The following LIMS2 variants were observed in gnomAD, a reference collection of about 807,000 sequenced individuals.
The protein encoded by LIMS2 is LIM and senescent cell antigen-like-containing domain protein 2.
In LIMS2, 30 loss-of-function variants were observed where a neutral mutation model predicts 45.3. That is an observed-to-expected ratio of 0.66 (90% CI 0.50 to 0.90). The LOEUF (loss-of-function observed/expected upper bound fraction) is 0.90, where lower values mean the gene tolerates loss of function less well. Ranked by LOEUF, LIMS2 falls within the 40% of genes least tolerant of loss-of-function variation. The pLI is 0.00. For missense variants in LIMS2, 485 were observed against 468.7 expected, an observed-to-expected ratio of 1.03 and a Z score of -0.32; for synonymous variants, 173 against 188.0, an observed-to-expected ratio of 0.92 and a Z score of 0.65.
At chr2:127,675,703 T>C (rs1396025374), upstream of LIMS2, among the ~76,000 whole-genome samples, 1 of 152,126 alleles carries the variant, frequency 6.6e-6, no homozygotes, top group Non-Finnish European at 1.5e-5. Context: ...GGGGCGATGC[T>C]GAGACCACCT....
At chr2:127,660,510 G>C (rs1043016865) in intron 1 of LIMS2, among the ~76,000 whole-genome samples, 1 of 152,066 alleles carries the variant, frequency 6.6e-6, no homozygotes, top group South Asian at 2.1e-4. Flanking sequence ...AGATAATTCC[G>C]GATGTGCCAC....
At chr2:127,658,260 G>A (rs1404349865) in intron 1 of LIMS2, among the ~76,000 whole-genome samples, 1 of 152,204 alleles carries the variant, frequency 6.6e-6, no homozygotes, top group African/African-American at 2.4e-5. Context: ...TTAGCCAGGT[G>A]TGGTGGTGCA....
chr2:127,643,041 T>C lies in LIMS2; in HGVS notation c.391A>G (p.Lys131Glu), dbSNP rs1465291377. ...HLCRPCHNREKAKGLGKYICQ... is the reference protein window; with the variant it reads ...HLCRPCHNREEAKGLGKYICQ... The stretch of plus-strand genomic sequence containing the variant: ...ATGTACTTGCCCAGGCCCTTGGCCT[T>C]CTCACGGTTGTGGCAAGGCCGGCAG... Residue 131 changes from lysine to glutamate, a missense_variant, in exon 5 of 10, where the codon AAG becomes GAG. By Grantham distance (56) the Lys-to-Glu change is moderately conservative (BLOSUM62 1). Transcript: ENST00000355119. 6.3e-7 allele frequency: 1 copy of C among 1,585,348 alleles called. No homozygotes were observed. Among genetic ancestry groups the C allele is most frequent in the Admixed American group, 1.8e-5 (1 of 55,666 alleles).
chr2:127,661,453 GCCTGCGGTC>G lies in LIMS2; in HGVS notation c.12-3900_12-3892del, dbSNP rs767576584. Among the ~76,000 whole-genome samples the G allele has an allele frequency of 2.6e-5, 4 of 152,342 alleles. No homozygotes were observed. In the South Asian group the frequency reaches 8.3e-4, roughly 32 times the overall value. On this transcript the variant is annotated intron_variant, in intron 1 of 9. Transcript: ENST00000355119. ...CAGCCTAGGGGAAGGCCTGCAGGCT[GCCTGCGGTC>G]CCTGCGAGAGGTCAGAGGGTCAGAG...
At chr2:127,656,254 G>A (rs991916924) in intron 2 of LIMS2, among the ~76,000 whole-genome samples, 4 of 152,086 alleles carry the variant, frequency 2.6e-5, no homozygotes, top group Non-Finnish European at 5.9e-5. Context: ...ATGATTTAAC[G>A]ACTGCTCCTG....
chr2:127,641,268 G>GA, intron 6 of LIMS2: 1 of 315,328 alleles, frequency 3.2e-6, no homozygotes. Flanking sequence ...AACCTTGTGA[G>GA]TCACCATCCC....
In LIMS2 at chr2:127,672,799, T is replaced by C. The variant is rs1254213024; in HGVS notation, c.11+2215A>G. 6.6e-6 allele frequency among the ~76,000 whole-genome samples: 1 copy of C among 152,228 alleles called. No individual in the cohort carries two copies. The highest frequency in any genetic ancestry group is 2.4e-5 in the African/African-American group (1 of 41,464). On this transcript the variant is annotated intron_variant, in intron 1 of 9. Coordinates refer to ENST00000355119, the MANE Select transcript of LIMS2 (RefSeq NM_001161403.3). This position sits in a 1 kb window ranked among gnomAD's most constrained non-coding sequence, Gnocchi z 4.9. ...GCTCCCCACAGCCCTCCCTCTGCTCTTGCCTGGTGAGGTCCTAGGGAGAGC... is the reference window on the plus strand; with the variant it reads ...GCTCCCCACAGCCCTCCCTCTGCTCCTGCCTGGTGAGGTCCTAGGGAGAGC...
chr2:127,665,663 G>T (rs1003997051), intron 1 of LIMS2, among the ~76,000 whole-genome samples: 1 of 152,188 alleles, frequency 6.6e-6, no homozygotes, highest in African/African-American at 2.4e-5. Context: ...GTAGGTAGCC[G>T]AATGCTTAAG....
Position 127,657,440 on chromosome 2 carries a change from T to G in LIMS2, c.134A>C (p.Gln45Pro). The G allele has an allele frequency of 6.2e-7, 1 of 1,613,902 alleles. No homozygotes were observed. Among genetic ancestry groups the G allele is most frequent in the African/African-American group, 1.3e-5 (1 of 75,068 alleles). Residue 45 changes from glutamine to proline, a missense_variant, in exon 2 of 10, where the codon CAG becomes CCG. Transcript: ENST00000355119. Reference protein sequence around the residue: ...LYHEHCFVCAQCFRPFPEGLF... With the variant: ...LYHEHCFVCAPCFRPFPEGLF... ...CCCCTCGGGGAAGGGCCGGAAGCAC[T>G]GGGCACACACGAAGCAGTGCTCATG...
intron 8 of LIMS2, 32 bp downstream of exon 8, chr2:127,640,238 G>T: frequency 6.2e-7 from 1 of 1,612,998 alleles, no homozygotes; most frequent in Non-Finnish European, 8.5e-7. Flanking sequence ...CAGGAGAGCA[G>T]GTGGGGTGGG....
rs1245577339 is a variant in LIMS2, at chr2:127,649,171, G to GGAAGGAAGGAAA, written c.359+5252_359+5253insTTTCCTTCCTTC. 7.0e-3 allele frequency among the ~76,000 whole-genome samples: 676 copies of GGAAGGAAGGAAA among 95,922 alleles called. 5 individuals are homozygous for GGAAGGAAGGAAA. The highest frequency in any genetic ancestry group is 0.022 in the South Asian group (67 of 3,078). The allele number at this position is 95,922 out of a possible 152,430, so 62.9% of individuals were successfully genotyped here. A position where few individuals can be genotyped will look rare whatever the true frequency, so the allele number is the denominator to read the frequency against. On this transcript the variant is annotated intron_variant, in intron 4 of 9. Coordinates refer to ENST00000355119, the MANE Select transcript of LIMS2 (RefSeq NM_001161403.3). ...AGTGAGAGAGAGAGGAAGGTAGGAA[G>GGAAGGAAGGAAA]GAAGGAAGGAAGGAAGGAAGGAAGG...
rs1183051945 is a variant in LIMS2 at position 127,664,469 on chromosome 2, G to A, written c.12-6907C>T. ...TGGGACCACCTCGGAGGGGAGGCGC[G>A]GCCGCCTGGGGCCAGACACCAAGAC... On this transcript the variant is annotated intron_variant, in intron 1 of 9. Transcript: ENST00000355119. The surrounding 1 kb of genome is among the most constrained non-coding windows in gnomAD (Gnocchi z 5.5). 6.8e-6 allele frequency: 8 copies of A among 1,178,962 alleles called. No individual in the cohort carries two copies. Among genetic ancestry groups the A allele is most frequent in the Non-Finnish European group, 7.3e-6 (7 of 954,194 alleles). 73.0% of individuals were successfully genotyped at this position (1,178,962 alleles called of 1,614,324 possible). A position where few individuals can be genotyped will look rare whatever the true frequency, so the allele number is the denominator to read the frequency against.
intron 1 of LIMS2, among the ~76,000 whole-genome samples, chr2:127,660,072 T>C (rs951443697): frequency 6.6e-6 from 1 of 152,222 alleles, no homozygotes; most frequent in Non-Finnish European, 1.5e-5. Flanking sequence ...TGGCTGGGCT[T>C]CTGGTTGGGG....
intron 4 of LIMS2, among the ~76,000 whole-genome samples, chr2:127,648,518 C>T (rs1683243183): frequency 6.6e-6 from 1 of 152,154 alleles, no homozygotes; most frequent in Non-Finnish European, 1.5e-5. Context: ...GCTCCAGCCT[C>T]CTCCTCGAGG....
chr2:127,650,885 C>T, intron 4 of LIMS2: 1 of 1,614,116 alleles, frequency 6.2e-7, no homozygotes, highest in Non-Finnish European at 8.5e-7. Flanking sequence ...TTGGCAATAC[C>T]CTGGCTCTGT....
At chr2:127,656,466 T>C (rs1351694998) in intron 2 of LIMS2, among the ~76,000 whole-genome samples, 1 of 148,916 alleles carries the variant, frequency 6.7e-6, no homozygotes, top group African/African-American at 2.5e-5. Context: ...CAGGCTGGAG[T>C]GCAATGGCGC....
At chr2:127,663,712 A>G (rs1255959454) in intron 1 of LIMS2, among the ~76,000 whole-genome samples, 2 of 145,278 alleles carry the variant, frequency 1.4e-5, no homozygotes, top group African/African-American at 5.1e-5. Flanking sequence ...CCCCAAGGTC[A>G]CAGCCCTATT....
chr2:127,664,309 G>A lies in LIMS2; in HGVS notation c.12-6747C>T. On this transcript the variant is annotated intron_variant, in intron 1 of 9. Transcript: ENST00000355119. This position sits in a 1 kb window ranked among gnomAD's most constrained non-coding sequence, Gnocchi z 5.5. The stretch of plus-strand genomic sequence containing the variant: ...CGCCCCGCCCCTGGCCACCTACCCC[G>A]TGGCTGGCGGCGGGCTCTGCCGGTG... The A allele has an allele frequency of 2.4e-6, 3 of 1,233,946 alleles. No individual in the cohort carries two copies. Among genetic ancestry groups the A allele is most frequent in the Non-Finnish European group, 3.0e-6 (3 of 989,380 alleles). 76.4% of individuals were successfully genotyped at this position (1,233,946 alleles called of 1,614,324 possible). A position where few individuals can be genotyped will look rare whatever the true frequency, so the allele number is the denominator to read the frequency against.
At chr2:127,639,694 A>C (rs956198747) in intron 9 of LIMS2, among the ~76,000 whole-genome samples, 2 of 152,058 alleles carry the variant, frequency 1.3e-5, no homozygotes, top group African/African-American at 2.4e-5. Flanking sequence ...CCTGGACGCC[A>C]TCTCTCCTCT....
Sources: allele counts gnomAD v4.1 joint callset (sites outside exome capture counted in the v4.1 genomes callset), GRCh38; gene constraint gnomAD v4.1.1; non-coding constraint Gnocchi (gnomAD v3.1); transcripts MANE v1.5; gene names NCBI Gene and HGNC (gene_info 2026-07-23, HGNC 2026-07-21).